Variants in CSPP1 observed in about 807,000 individuals in gnomAD.
CSPP1 encodes centrosome and spindle pole associated protein 1.
CSPP1 carries 126 observed loss-of-function variants against 164.4 expected under a neutral mutation model. The observed-to-expected ratio is 0.77, with a 90% CI of 0.66 to 0.89. CSPP1 has a LOEUF of 0.89. CSPP1 is among the 40% of genes least tolerant of loss of function. The pLI is 0.00. For missense variants in CSPP1, 1,395 were observed against 1,449.8 expected (o/e 0.96, Z 0.61); for synonymous variants, 472 against 476.7 (o/e 0.99, Z 0.13).
intron 21 of CSPP1, among the ~76,000 whole-genome samples, chr8:67,160,422 A>G (rs1005186991): frequency 6.6e-6 from 1 of 150,906 alleles, no homozygotes. Flanking sequence ...CCGTGACTGC[A>G]CTGTGGCACT....
intron 4 of CSPP1, among the ~76,000 whole-genome samples, chr8:67,089,791 G>A (rs1811235651): frequency 6.7e-6 from 1 of 150,044 alleles, no homozygotes; most frequent in South Asian, 2.1e-4. Flanking sequence ...CTTTTTTTAA[G>A]AATTAAAGTT....
At chr8:67,137,394 A>G in intron 16 of CSPP1, 62 bp from the exon 17 acceptor site, 1 of 1,213,084 alleles carries the variant, frequency 8.2e-7, no homozygotes, top group Non-Finnish European at 1.1e-6. Context: ...ATCTGGTATT[A>G]CTAACTTCTT....
chr8:67,112,105 T>G, intron 10 of CSPP1, 40 bp downstream of exon 10: 3 of 1,396,972 alleles, frequency 2.1e-6, no homozygotes, highest in Non-Finnish European at 3.0e-6. Context: ...ATTTTGAGTT[T>G]AAAGTGCATT....
chr8:67,163,873 CAT>C, intron 23 of CSPP1, 75 bp downstream of exon 23: 2 of 1,216,898 alleles, frequency 1.6e-6, no homozygotes, highest in South Asian at 1.3e-5. Flanking sequence ...ATTATAAACT[CAT>C]AGAAAATTGC....
chr8:67,158,718 C>A, intron 20 of CSPP1, 122 bp downstream of exon 20: 1 of 1,227,160 alleles, frequency 8.1e-7, no homozygotes, highest in Middle Eastern at 2.4e-4. Flanking sequence ...AATATCAGAT[C>A]AATATACATT....
At chr8:67,124,829 G>A (rs1458874102) in intron 15 of CSPP1, among the ~76,000 whole-genome samples, 1 of 151,886 alleles carries the variant, frequency 6.6e-6, no homozygotes, top group African/African-American at 2.4e-5. Context: ...CTCCCACTAC[G>A]CCTAGCTAAT....
intron 19 of CSPP1, among the ~76,000 whole-genome samples, chr8:67,156,169 T>G (rs1319641470): frequency 6.6e-6 from 1 of 152,176 alleles, no homozygotes; most frequent in South Asian, 2.1e-4. Context: ...CTTTTACATA[T>G]AGTGTCTCAT....
intron 28 of CSPP1, among the ~76,000 whole-genome samples, chr8:67,186,452 A>T (rs1834617707): frequency 6.6e-6 from 1 of 152,072 alleles, no homozygotes; most frequent in Admixed American, 6.5e-5. Flanking sequence ...GAATACCATG[A>T]ACAACTCTAT....
At chr8:67,150,999 A>G (rs1825596178) in intron 18 of CSPP1, among the ~76,000 whole-genome samples, 1 of 152,188 alleles carries the variant, frequency 6.6e-6, no homozygotes, top group South Asian at 2.1e-4. Flanking sequence ...CTGATCATGT[A>G]GTCTTTTTTG....
intron 9 of CSPP1, among the ~76,000 whole-genome samples, chr8:67,107,818 T>G (rs1301394148): frequency 1.3e-5 from 2 of 152,172 alleles, no homozygotes; most frequent in Non-Finnish European, 1.5e-5. Flanking sequence ...GTGGGGTTTA[T>G]AAGAGAACCA....
chr8:67,193,461 C>T lies in CSPP1; in HGVS notation c.3331-3C>T, dbSNP rs1218345784. The T allele has an allele frequency of 6.2e-7, 1 of 1,610,054 alleles. No homozygotes were observed. The highest frequency in any genetic ancestry group is 1.7e-5 in the Admixed American group (1 of 59,602). On this transcript the variant is annotated splice_polypyrimidine_tract_variant and splice_region_variant and intron_variant, in intron 29 of 30. Transcript: ENST00000678616. The stretch of plus-strand genomic sequence containing the variant: ...TTTCTGAAGTTCTGTTTTCTAACTA[C>T]AGGATAGCAGTCGTCCTAATGTAGC...
Position 67,116,059 on chromosome 8 carries a change from C to G in CSPP1, c.1433C>G (p.Pro478Arg), listed in dbSNP as rs1438276592. ...CCCATCCCATCAGTTCATCCTGTTC[C>G]TTCTCAAAATGAAGATTTGCGCAGT... ...VPPIPSVHPV[P>R]SQNEDLRSGL... The change falls in exon 13 of 31, where the codon CCT becomes CGT. Residue 478 changes from proline (P) to arginine (R), a missense_variant. Transcript: ENST00000678616. The G allele has an allele frequency of 1.2e-6, 2 of 1,614,090 alleles. No homozygotes were observed. Among genetic ancestry groups the G allele is most frequent in the Admixed American group, 3.3e-5 (2 of 60,008 alleles).
chr8:67,139,794 G>T (rs1252086369), intron 17 of CSPP1, among the ~76,000 whole-genome samples: 1 of 152,104 alleles, frequency 6.6e-6, no homozygotes, highest in Non-Finnish European at 1.5e-5. Flanking sequence ...ATTGAACAAT[G>T]AGAACACATG....
intron 4 of CSPP1, among the ~76,000 whole-genome samples, chr8:67,089,568 T>C (rs536700028): frequency 6.6e-6 from 1 of 152,358 alleles, no homozygotes; most frequent in South Asian, 2.1e-4. Context: ...CCTTCTAGCA[T>C]GCTGTATAAT....
At chr8:67,072,252 C>T (rs1247247868) in intron 1 of CSPP1, among the ~76,000 whole-genome samples, 1 of 151,320 alleles carries the variant, frequency 6.6e-6, no homozygotes, top group Non-Finnish European at 1.5e-5. Flanking sequence ...TGCGCTACTG[C>T]ACTCCAGCCT....
chr8:67,110,330 C>T (rs1420909978), intron 9 of CSPP1, among the ~76,000 whole-genome samples: 1 of 151,958 alleles, frequency 6.6e-6, no homozygotes, highest in African/African-American at 2.4e-5. Flanking sequence ...AGCTAAGGAC[C>T]TCTAGAGTAG....
chr8:67,195,750 T>C lies in CSPP1; in HGVS notation c.*157T>C. The stretch of plus-strand genomic sequence containing the variant: ...TTTATCATGATGTATATTATGTACA[T>C]AAATAAAAGGCCATGATTATTGATT... On this transcript the variant is annotated 3_prime_UTR_variant, in exon 31 of 31. Coordinates refer to ENST00000678616, the MANE Select transcript of CSPP1 (RefSeq NM_001382391.1). 1.6e-6 allele frequency: 1 copy of C among 611,046 alleles called. No individual in the cohort carries two copies. The allele number at this position is 611,046 out of a possible 1,614,324, so 37.9% of individuals were successfully genotyped here.
intron 10 of CSPP1, among the ~76,000 whole-genome samples, chr8:67,113,216 G>T (rs1180867791): frequency 1.3e-5 from 2 of 152,144 alleles, no homozygotes; most frequent in African/African-American, 4.8e-5. Flanking sequence ...GTGCATTCCA[G>T]CCTGGGCGAC....
chr8:67,170,481 G>T (rs987380433), intron 24 of CSPP1, among the ~76,000 whole-genome samples: 1 of 151,882 alleles, frequency 6.6e-6, no homozygotes, highest in Non-Finnish European at 1.5e-5. Context: ...TCTTAATTCT[G>T]TTGTTCACCG....
Sources: gnomAD v4.1 joint callset for allele counts (sites outside exome capture counted in the v4.1 genomes callset) on GRCh38, gnomAD v4.1.1 for gene constraint, MANE v1.5 for transcripts, NCBI Gene and HGNC (gene_info 2026-07-23, HGNC 2026-07-21) for gene names.